Variants in RIC8B observed in about 807,000 individuals in gnomAD.
RIC8B encodes the protein RIC8 guanine nucleotide exchange factor B.
RIC8B carries 16 observed loss-of-function variants against 57.5 expected under a neutral mutation model. The ratio of observed to expected loss-of-function variants is 0.28; its 90% CI spans 0.19 to 0.42. The LOEUF (loss-of-function observed/expected upper bound fraction) is 0.42. RIC8B is among the 10% of genes least tolerant of loss of function. The pLI is 1.00. For synonymous variants in RIC8B, 216 were observed against 250.8 expected (o/e 0.86, Z 1.31); for missense variants, 481 against 677.0 (o/e 0.71, Z 3.21).
chr12:106,850,663 G>A (rs145217671), intron 6 of RIC8B, among the ~76,000 whole-genome samples: 1 of 152,058 alleles, frequency 6.6e-6, no homozygotes, highest in African/African-American at 2.4e-5. Flanking sequence ...ATTACTGTGA[G>A]GATTATAAAT....
At chr12:106,881,893 C>T (rs185361146) in intron 9 of RIC8B, among the ~76,000 whole-genome samples, 1 of 152,306 alleles carries the variant, frequency 6.6e-6, no homozygotes, top group East Asian at 1.9e-4. Flanking sequence ...TCTCCTTCTA[C>T]TCCCAGACAG....
intron 9 of RIC8B, among the ~76,000 whole-genome samples, chr12:106,873,791 G>A (rs1338826770): frequency 6.6e-6 from 1 of 152,282 alleles, no homozygotes; most frequent in South Asian, 2.1e-4. Context: ...AGTTCATTCT[G>A]TCTGGATGAT....
At chr12:106,834,878 G>A (rs961842204) in intron 4 of RIC8B, among the ~76,000 whole-genome samples, 1 of 151,196 alleles carries the variant, frequency 6.6e-6, no homozygotes, top group Non-Finnish European at 1.5e-5. Context: ...CAGGTACTTG[G>A]GAGGCTGAGG....
intron 3 of RIC8B, chr12:106,823,231 C>A: frequency 3.8e-6 from 1 of 263,812 alleles, no homozygotes. Flanking sequence ...ATTATGATTT[C>A]ATGAGAGAAA....
intron 6 of RIC8B, among the ~76,000 whole-genome samples, chr12:106,844,901 T>C (rs1383384970): frequency 1.3e-5 from 2 of 152,222 alleles, no homozygotes; most frequent in African/African-American, 4.8e-5. Context: ...TGTAAGACTT[T>C]GATTGTAACA....
chr12:106,782,573 G>A (rs1433738449), intron 1 of RIC8B, among the ~76,000 whole-genome samples: 3 of 152,120 alleles, frequency 2.0e-5, no homozygotes, highest in Non-Finnish European at 2.9e-5. Flanking sequence ...TGCCAATTCA[G>A]GTGTAAATTT....
chr12:106,836,978 G>A (rs61943313), intron 4 of RIC8B, among the ~76,000 whole-genome samples: 1,970 of 152,268 alleles, frequency 0.013, 20 homozygotes, highest in Middle Eastern at 0.041. Context: ...TTCCTCTGAT[G>A]CTCCTTCCTC....
At chr12:106,814,621 A>C (rs893050415) in intron 2 of RIC8B, 75 bp from the exon 3 acceptor site, 2 of 1,424,826 alleles carry the variant, frequency 1.4e-6, no homozygotes, top group East Asian at 2.3e-5. Flanking sequence ...TGTTAAGTAC[A>C]TTGGCAGAGA....
At chr12:106,853,397 C>T (rs1949557971) in intron 7 of RIC8B, among the ~76,000 whole-genome samples, 1 of 148,798 alleles carries the variant, frequency 6.7e-6, no homozygotes, top group African/African-American at 2.5e-5. Context: ...CCAAAGCTAA[C>T]CTCCATTAGC....
chr12:106,877,839 C>T (rs1950737616), intron 9 of RIC8B, among the ~76,000 whole-genome samples: 1 of 152,064 alleles, frequency 6.6e-6, no homozygotes, highest in South Asian at 2.1e-4. Context: ...AGCTCACCAG[C>T]CATCATTAGT....
At chr12:106,885,094 A>T (rs1951115388) in intron 9 of RIC8B, among the ~76,000 whole-genome samples, 1 of 152,216 alleles carries the variant, frequency 6.6e-6, no homozygotes. Flanking sequence ...TCTCCATGTA[A>T]TAAATAAGAG....
At chr12:106,860,802 G>T (rs930837323) in intron 8 of RIC8B, among the ~76,000 whole-genome samples, 2 of 152,092 alleles carry the variant, frequency 1.3e-5, no homozygotes, top group African/African-American at 4.8e-5. Context: ...AAATCTAAAT[G>T]TAGGTTCTGA....
rs183003488 is a variant in RIC8B at position 106,864,443 on chromosome 12, A to T, written c.1451+4031A>T. ...AATATGTGCCAGGCACTTTTCTAAG[A>T]ACTAGACAAATATTATATAATCTTC... is the stretch of plus-strand genomic sequence containing the variant. On this transcript the variant is annotated intron_variant, in intron 8 of 9. Transcript: ENST00000392837. Among the ~76,000 whole-genome samples the T allele has an allele frequency of 8.0e-3, 1,214 of 152,206 alleles. 3 individuals carry two copies. Among genetic ancestry groups the T allele is most frequent in the Admixed American group, 0.012 (188 of 15,276 alleles).
At chr12:106,837,639 G>GTTTTTT (rs375634080) in intron 4 of RIC8B, among the ~76,000 whole-genome samples, 6 of 115,318 alleles carry the variant, frequency 5.2e-5, no homozygotes, top group Admixed American at 9.4e-5. Flanking sequence ...AAAATCTTTT[G>GTTTTTT]TTTTTTTTTT....
intron 6 of RIC8B, among the ~76,000 whole-genome samples, chr12:106,849,354 T>C (rs929582615): frequency 6.6e-6 from 1 of 150,770 alleles, no homozygotes; most frequent in Non-Finnish European, 1.5e-5. Context: ...GGTCTCGCTA[T>C]GTTGCCCAGG....
chr12:106,860,310 G>A lies in RIC8B; in HGVS notation c.1349G>A (p.Gly450Glu). 1 of 1,609,516 alleles carries A rather than the reference G, an allele frequency of 6.2e-7. No individual in the cohort carries two copies. Among genetic ancestry groups the A allele is most frequent in the Non-Finnish European group, 8.5e-7 (1 of 1,177,714 alleles). ...LKYTGYGNAA[G>E]LLAARGLLAG... ...TACACTGGCTATGGGAATGCTGCAG[G>A]ACTGTTGGCGGCCAGGGGCCTCTTG... The change falls in exon 8 of 10, where the codon GGA (glycine) becomes GAA (glutamate). Residue 450 changes from glycine to glutamate, a missense_variant. Transcript: ENST00000392837.
chr12:106,868,456 T>TA (rs2136568894), intron 8 of RIC8B: 1 of 379,844 alleles, frequency 2.6e-6, no homozygotes, highest in South Asian at 1.9e-5. Context: ...TTTATTCATT[T>TA]ATAAGACTAG....
chr12:106,797,841 G>A, intron 2 of RIC8B: 1 of 453,818 alleles, frequency 2.2e-6, no homozygotes, highest in Non-Finnish European at 3.9e-6. Context: ...TGAAAATAAA[G>A]AAGTTGGAGG....
At chr12:106,793,822 A>G (rs568753609) in intron 2 of RIC8B, among the ~76,000 whole-genome samples, 2 of 152,100 alleles carry the variant, frequency 1.3e-5, no homozygotes, top group South Asian at 2.1e-4. Context: ...TAATTTAGCC[A>G]GTCACTAAAC....
Sources: allele counts gnomAD v4.1 joint callset (sites outside exome capture counted in the v4.1 genomes callset), GRCh38; gene constraint gnomAD v4.1.1; transcripts MANE v1.5; gene names NCBI Gene and HGNC (gene_info 2026-07-23, HGNC 2026-07-21).